The following LPP variants were observed in gnomAD, a reference collection of about 807,000 sequenced individuals.
LPP encodes the protein LIM domain containing preferred translocation partner in lipoma.
Under a neutral mutation model 60.4 loss-of-function variants are expected in LPP, and 38 were observed. The ratio of observed to expected loss-of-function variants is 0.63; its 90% CI spans 0.49 to 0.83. LPP has a LOEUF of 0.83. LPP is among the 40% of genes least tolerant of loss of function. LPP has a pLI of 0.00. For synonymous variants in LPP, 328 were observed against 290.8 expected (o/e 1.13, Z -1.30); for missense variants, 902 against 783.6 (o/e 1.15, Z -1.80).
At chr3:188,546,138 A>G (rs142007939) in intron 6 of LPP, among the ~76,000 whole-genome samples, 4 of 152,168 alleles carry the variant, frequency 2.6e-5, no homozygotes, top group African/African-American at 9.6e-5. Flanking sequence ...ATTTTCACCA[A>G]CGAGAAAACC....
chr3:188,207,212 C>CTTTTTTTTTTTTTCT (rs1733488069), intron 1 of LPP, among the ~76,000 whole-genome samples: 1 of 129,334 alleles, frequency 7.7e-6, no homozygotes, highest in African/African-American at 2.9e-5. Context: ...TACACATTTT[C>CTTTTTTTTTTTTTCT]TTTTTTTTTT....
intron 6 of LPP, among the ~76,000 whole-genome samples, chr3:188,582,975 G>A (rs1331941300): frequency 1.3e-5 from 2 of 152,090 alleles, no homozygotes; most frequent in African/African-American, 4.8e-5. Context: ...GGGTTTCCTT[G>A]TATCCATTTC....
chr3:188,400,979 T>C (rs1402838806), intron 3 of LPP, among the ~76,000 whole-genome samples: 3 of 152,196 alleles, frequency 2.0e-5, no homozygotes, highest in African/African-American at 7.2e-5. Flanking sequence ...AATGAAGGGC[T>C]GTAATGAAGA....
rs559396370 is a variant in LPP, at chr3:188,615,319, A to G, written c.1113+5475A>G. On this transcript the variant is annotated intron_variant, in intron 7 of 11. Coordinates refer to ENST00000617246, the MANE Select transcript of LPP (RefSeq NM_001375462.1). Reference sequence around the variant, plus strand: ...CAGTCCTTCCCCAAATAAAATCTACACATCTAAAAGTGACCCATTAAGATC... The same window carrying G: ...CAGTCCTTCCCCAAATAAAATCTACGCATCTAAAAGTGACCCATTAAGATC... Among the ~76,000 whole-genome samples the G allele has an allele frequency of 2.2e-4, 33 of 152,200 alleles. 2 individuals are homozygous for G. The South Asian group carries it at 6.2e-3, about 29-fold the overall frequency.
Position 188,874,942 on chromosome 3 carries a change from T to C in LPP, c.*463T>C, listed in dbSNP as rs906668935. 8.7e-5 allele frequency: 20 copies of C among 229,940 alleles called. No homozygotes were observed. Among genetic ancestry groups the C allele is most frequent in the African/African-American group, 4.0e-4 (18 of 45,080 alleles). The allele number at this position is 229,940 out of a possible 1,614,324, so 14.2% of individuals were successfully genotyped here. A position where few individuals can be genotyped will look rare whatever the true frequency, so the allele number is the denominator to read the frequency against. ...GTAAAGAGTAGCCATTCTTTTCCCA[T>C]GTATTGAAGAGGATATTCTTCTCTT... On this transcript the variant is annotated 3_prime_UTR_variant, in exon 12 of 12. Transcript: ENST00000617246.
chr3:188,477,640 T>C lies in LPP; in HGVS notation c.194-6952T>C, dbSNP rs1280203651. Among the ~76,000 whole-genome samples, 11 of 152,324 alleles carry C rather than the reference T, an allele frequency of 7.2e-5. No homozygotes were observed. The South Asian group carries it at 2.3e-3, about 32-fold the overall frequency. On this transcript the variant is annotated intron_variant, in intron 4 of 11. Coordinates refer to ENST00000617246, the MANE Select transcript of LPP (RefSeq NM_001375462.1). ...TTGGAGATGACACATTTTCAGGTAC[T>C]GAAAATTTCTGTTTTGTGCATATGT...
At chr3:188,492,202 C>G (rs1426705444) in intron 5 of LPP, among the ~76,000 whole-genome samples, 1 of 152,168 alleles carries the variant, frequency 6.6e-6, no homozygotes, top group Non-Finnish European at 1.5e-5. Context: ...GAGTAATATA[C>G]TATGCTTGCA....
intron 9 of LPP, among the ~76,000 whole-genome samples, chr3:188,823,988 G>A (rs1754698504): frequency 6.6e-6 from 1 of 152,074 alleles, no homozygotes; most frequent in Non-Finnish European, 1.5e-5. Context: ...GAGAAAATGG[G>A]AAGTTAGAAG....
At position 188,886,180 on chromosome 3, in the gene LPP, T is replaced by C. The variant is rs1046508662; in HGVS notation, c.*11701T>C. 1 of 151,736 alleles carries C rather than the reference T, an allele frequency of 6.6e-6. No homozygotes were observed. The highest frequency in any genetic ancestry group is 1.5e-5 in the Non-Finnish European group (1 of 68,114). The allele number at this position is 151,736 out of a possible 1,614,324, so 9.4% of individuals were successfully genotyped here. A position where few individuals can be genotyped will look rare whatever the true frequency, so the allele number is the denominator to read the frequency against. On this transcript the variant is annotated 3_prime_UTR_variant, in exon 12 of 12. Coordinates refer to ENST00000617246, the MANE Select transcript of LPP (RefSeq NM_001375462.1). ...GTGGAGGGAGGAGGGAGGGATAGCA[T>C]TAGGAGATATACCTAATGCTAAATG...
chr3:188,850,485 C>A (rs1762453361), intron 9 of LPP, among the ~76,000 whole-genome samples: 5 of 152,060 alleles, frequency 3.3e-5, no homozygotes, highest in South Asian at 2.1e-4. Flanking sequence ...ATAGAAAATT[C>A]TTAATTATCT....
intron 8 of LPP, among the ~76,000 whole-genome samples, chr3:188,735,329 T>C (rs1722097787): frequency 6.6e-6 from 1 of 152,110 alleles, no homozygotes; most frequent in Non-Finnish European, 1.5e-5. Flanking sequence ...TTATTGTGAT[T>C]TAATTCTTAC....
chr3:188,854,126 C>T (rs1763275665), intron 9 of LPP, among the ~76,000 whole-genome samples: 1 of 152,110 alleles, frequency 6.6e-6, no homozygotes, highest in African/African-American at 2.4e-5. Flanking sequence ...AGAGTTAGTC[C>T]ACCACCCTTT....
chr3:188,760,157 G>A lies in LPP; in HGVS notation c.1285G>A (p.Gly429Arg). ...AGAAAACGTAGTTGGGGAAGGTACA[G>A]GATGCACTGCCATGGATCAGGTCTT... is the stretch of plus-strand genomic sequence containing the variant. The part of the protein sequence containing the change: ...CGENVVGEGT[G>R]CTAMDQVFHV... The change falls in exon 9 of 12, where the codon GGA (glycine) becomes AGA (arginine). Residue 429 changes from glycine (G) to arginine (R), a missense_variant. Transcript: ENST00000617246. The A allele has an allele frequency of 7.4e-6, 12 of 1,614,110 alleles. No homozygotes were observed. The highest frequency in any genetic ancestry group is 9.3e-6 in the Non-Finnish European group (11 of 1,179,998).
At chr3:188,837,319 C>T (rs1380922491) in intron 9 of LPP, among the ~76,000 whole-genome samples, 1 of 151,452 alleles carries the variant, frequency 6.6e-6, no homozygotes, top group East Asian at 1.9e-4. Flanking sequence ...GTGGAAGTTG[C>T]AGTGAGCTGA....
intron 4 of LPP, chr3:188,472,639 T>C (rs767331146): frequency 6.6e-6 from 1 of 152,272 alleles, no homozygotes; most frequent in Non-Finnish European, 1.5e-5. Flanking sequence ...CCTGGCCTCA[T>C]GTAGCCATCC....
At chr3:188,717,995 A>AT (rs1714759015) in intron 8 of LPP, among the ~76,000 whole-genome samples, 1 of 151,942 alleles carries the variant, frequency 6.6e-6, no homozygotes, top group African/African-American at 2.4e-5. Context: ...TTATTTTTGT[A>AT]TTTTTAGTAG....
At chr3:188,626,329 C>G (rs1560665014) in intron 7 of LPP, among the ~76,000 whole-genome samples, 1 of 152,058 alleles carries the variant, frequency 6.6e-6, no homozygotes, top group Non-Finnish European at 1.5e-5. Context: ...TTTAACTAAT[C>G]TAGAGATGAT....
At chr3:188,652,186 C>T (rs558626510) in intron 7 of LPP, among the ~76,000 whole-genome samples, 8 of 152,272 alleles carry the variant, frequency 5.3e-5, no homozygotes, top group African/African-American at 1.7e-4. Flanking sequence ...TTATTCCAGA[C>T]ATTGCCAAGA....
chr3:188,319,329 C>A (rs1421691490), intron 2 of LPP, among the ~76,000 whole-genome samples: 1 of 152,194 alleles, frequency 6.6e-6, no homozygotes, highest in Admixed American at 6.5e-5. Context: ...AAATTTTCAA[C>A]AATTAGCAAA....
Sources: allele counts gnomAD v4.1 joint callset (sites outside exome capture counted in the v4.1 genomes callset), GRCh38; gene constraint gnomAD v4.1.1; transcripts MANE v1.5; gene names NCBI Gene and HGNC (gene_info 2026-07-23, HGNC 2026-07-21).